The following WWOX variants were observed in gnomAD, a reference collection of about 807,000 sequenced individuals.
The protein encoded by WWOX is WW domain containing oxidoreductase, also known as WW domain-containing oxidoreductase.
WWOX carries 69 observed loss-of-function variants against 46.2 expected under a neutral mutation model. The observed-to-expected ratio is 1.49, with a 90% confidence interval of 1.23 to 1.82. The LOEUF is 1.82. Ranked by LOEUF, WWOX falls within the 40% of genes most tolerant of loss-of-function variation. WWOX has a pLI of 0.00. For missense variants in WWOX, 919 were observed against 542.6 expected, an observed-to-expected ratio of 1.69 and a Z score of -6.89; for synonymous variants, 359 against 202.6, an observed-to-expected ratio of 1.77 and a Z score of -6.56.
At chr16:78,958,997 G>A (rs2046222643) in intron 8 of WWOX, among the ~76,000 whole-genome samples, 1 of 152,044 alleles carries the variant, frequency 6.6e-6, no homozygotes, top group African/African-American at 2.4e-5. Flanking sequence ...TTTCCCATCT[G>A]TGAAAAAAGG....
At chr16:78,602,050 C>T (rs1000912877) in intron 8 of WWOX, among the ~76,000 whole-genome samples, 2 of 152,172 alleles carry the variant, frequency 1.3e-5, no homozygotes, top group African/African-American at 2.4e-5. Context: ...AAAATGCAGA[C>T]TTCCTTAGGT....
At chr16:79,126,979 G>C (rs1465613453) in intron 8 of WWOX, among the ~76,000 whole-genome samples, 1 of 151,810 alleles carries the variant, frequency 6.6e-6, no homozygotes, top group Non-Finnish European at 1.5e-5. Flanking sequence ...TAGGTGCCTG[G>C]CTTATGTGGC....
At chr16:79,105,433 C>T (rs2150641962) in intron 8 of WWOX, among the ~76,000 whole-genome samples, 1 of 152,234 alleles carries the variant, frequency 6.6e-6, no homozygotes, top group African/African-American at 2.4e-5. Context: ...TTCCCTTATC[C>T]CTGTCCCTGT....
intron 8 of WWOX, among the ~76,000 whole-genome samples, chr16:78,441,621 A>T (rs2083446255): frequency 1.3e-5 from 2 of 152,092 alleles, no homozygotes; most frequent in African/African-American, 4.8e-5. Flanking sequence ...TTAGAGGTAG[A>T]CAGCTCTCGG....
chr16:78,549,849 C>T (rs144755105), intron 8 of WWOX, among the ~76,000 whole-genome samples: 183 of 152,040 alleles, frequency 1.2e-3, no homozygotes, highest in East Asian at 7.0e-3. Context: ...GGCAGGAACC[C>T]CATCAGAATT....
chr16:78,452,523 C>G (rs973951873), intron 8 of WWOX, among the ~76,000 whole-genome samples: 3 of 139,004 alleles, frequency 2.2e-5, no homozygotes, highest in Admixed American at 7.8e-5. Context: ...GTTGCCCAGG[C>G]TGGAGTGCAG....
At chr16:78,560,951 C>G (rs567107453) in intron 8 of WWOX, among the ~76,000 whole-genome samples, 1 of 152,246 alleles carries the variant, frequency 6.6e-6, no homozygotes, top group African/African-American at 2.4e-5. Context: ...TTCTCTAGAT[C>G]AGAAGCCTAG....
At chr16:78,872,550 A>T (rs2044150509) in intron 8 of WWOX, among the ~76,000 whole-genome samples, 1 of 152,114 alleles carries the variant, frequency 6.6e-6, no homozygotes, top group South Asian at 2.1e-4. Flanking sequence ...TCTAAGCCTC[A>T]ATTTCTTTGT....
intron 5 of WWOX, among the ~76,000 whole-genome samples, chr16:78,382,552 C>A (rs903064674): frequency 6.6e-6 from 1 of 152,282 alleles, no homozygotes; most frequent in South Asian, 2.1e-4. Context: ...TCTTGTGAGC[C>A]ATGCTAAGGA....
At chr16:78,853,484 C>G (rs996143119) in intron 8 of WWOX, among the ~76,000 whole-genome samples, 1 of 152,090 alleles carries the variant, frequency 6.6e-6, no homozygotes, top group Non-Finnish European at 1.5e-5. Flanking sequence ...TCATCAAAAT[C>G]CAGAAATCCA....
chr16:78,169,928 C>T (rs1050309184), intron 5 of WWOX, among the ~76,000 whole-genome samples: 1 of 152,066 alleles, frequency 6.6e-6, no homozygotes, highest in African/African-American at 2.4e-5. Context: ...ATTAGTATAG[C>T]GAGGGGCCCA....
rs545450062 is a variant in WWOX at position 78,243,977 on chromosome 16, A to G, written c.516+79688A>G. On this transcript the variant is annotated intron_variant, in intron 5 of 8. Transcript: ENST00000566780. ...TAATGAAGCTCCTGTCCTTGACCCA[A>G]TCTCCACTCTACCGTTTGATGTCCA... Among the ~76,000 whole-genome samples, 9 of 152,266 alleles carry G rather than the reference A, an allele frequency of 5.9e-5. No homozygotes were observed. The South Asian group carries it at 1.2e-3, about 21-fold the overall frequency.
intron 8 of WWOX, among the ~76,000 whole-genome samples, chr16:78,575,025 A>T (rs1317499307): frequency 6.1e-4 from 1 of 1,630 alleles, no homozygotes; most frequent in African/African-American, 2.1e-3. Context: ...ATATATAAAT[A>T]TATATATATA....
intron 8 of WWOX, among the ~76,000 whole-genome samples, chr16:79,134,182 T>C (rs2049938203): frequency 6.6e-6 from 1 of 151,030 alleles, no homozygotes; most frequent in South Asian, 2.1e-4. Context: ...GATTTTTTTT[T>C]CTCTTTAATT....
intron 8 of WWOX, among the ~76,000 whole-genome samples, chr16:78,718,243 T>A (rs934431378): frequency 2.6e-5 from 4 of 152,084 alleles, no homozygotes; most frequent in Non-Finnish European, 4.4e-5. Flanking sequence ...GTTACACAGC[T>A]GTTGTACCAC....
rs558085767 is a variant in WWOX, at chr16:78,797,415, T to C, written c.1056+364663T>C. Among the ~76,000 whole-genome samples the C allele has an allele frequency of 2.8e-5, 4 of 141,164 alleles. No homozygotes were observed. In the Admixed American group the frequency reaches 2.9e-4, roughly 10 times the overall value. The allele number at this position is 141,164 out of a possible 152,430, so 92.6% of individuals were successfully genotyped here. On this transcript the variant is annotated intron_variant, in intron 8 of 8. Transcript: ENST00000566780. ...AATATAAAAAGGCAGCCCCGACAGGTACGAGCTTGTAGTCATTTCCCCAAA... is the reference window on the plus strand; with the variant it reads ...AATATAAAAAGGCAGCCCCGACAGGCACGAGCTTGTAGTCATTTCCCCAAA...
chr16:78,407,035 T>G (rs1046397968), intron 6 of WWOX, among the ~76,000 whole-genome samples: 2 of 152,230 alleles, frequency 1.3e-5, no homozygotes, highest in Admixed American at 1.3e-4. Flanking sequence ...ATTGCTGAAG[T>G]AGATTTGACC....
At chr16:78,694,553 C>A (rs981938527) in intron 8 of WWOX, among the ~76,000 whole-genome samples, 1 of 152,120 alleles carries the variant, frequency 6.6e-6, no homozygotes, top group African/African-American at 2.4e-5. Flanking sequence ...CTGGTAGCAG[C>A]CTGCATGGTG....
In WWOX at chr16:78,342,671, C is replaced by G. The variant is rs1171340696; in HGVS notation, c.517-44189C>G. Among the ~76,000 whole-genome samples, 3 of 120,628 alleles carry G rather than the reference C, an allele frequency of 2.5e-5. 1 individual carries two copies. The highest frequency in any genetic ancestry group is 5.0e-4 in the South Asian group (2 of 4,028). 79.1% of individuals were successfully genotyped at this position (120,628 alleles called of 152,430 possible). A position where few individuals can be genotyped will look rare whatever the true frequency, so the allele number is the denominator to read the frequency against. On this transcript the variant is annotated intron_variant, in intron 5 of 8. Coordinates refer to ENST00000566780, the MANE Select transcript of WWOX (RefSeq NM_016373.4). The stretch of plus-strand genomic sequence containing the variant: ...GTCACAGAACTTATGGCATCAGAAT[C>G]TGATTCCCAGGCATGCTTTCCACCA...
Sources: gnomAD v4.1 joint callset for allele counts (sites outside exome capture counted in the v4.1 genomes callset) on GRCh38, gnomAD v4.1.1 for gene constraint, MANE v1.5 for transcripts, NCBI Gene and HGNC (gene_info 2026-07-23, HGNC 2026-07-21) for gene names.